The following PCDHGB7 variants were observed in gnomAD, a reference collection of about 807,000 sequenced individuals.
PCDHGB7 encodes protocadherin gamma subfamily B, 7, also known as protocadherin gamma-B7.
A neutral mutation model predicts 61.4 loss-of-function variants in PCDHGB7; 37 were observed. The ratio of observed to expected loss-of-function variants is 0.60; its 90% CI spans 0.46 to 0.79. The LOEUF (loss-of-function observed/expected upper bound fraction) is 0.79, where lower values mean the gene tolerates loss of function less well. Among genes scored for constraint, PCDHGB7 ranks in the 30% least tolerant of loss-of-function variants. The pLI is 0.00. For synonymous variants in PCDHGB7, 464 were observed against 503.5 expected (o/e 0.92, Z 1.05); for missense variants, 1,166 against 1,202.5 (o/e 0.97, Z 0.45).
At chr5:141,423,440 C>G in intron 1 of PCDHGB7, 1 of 1,613,970 alleles carries the variant, frequency 6.2e-7, no homozygotes, top group South Asian at 1.1e-5. Context: ...GGTATGCCCA[C>G]GTCACATTTT....
At chr5:141,427,132 G>T (rs755992698) in intron 1 of PCDHGB7, 1 of 457,106 alleles carries the variant, frequency 2.2e-6, no homozygotes, top group Non-Finnish European at 4.4e-6. Context: ...AAATCCCTAC[G>T]AGATGATATT....
At chr5:141,422,126 GAGA>G (rs767100115) in intron 1 of PCDHGB7, 2 of 1,601,210 alleles carry the variant, frequency 1.2e-6, no homozygotes, top group South Asian at 2.3e-5. Context: ...TCACAAACTG[GAGA>G]AGTTCAAGTA....
chr5:141,436,519 C>A (rs770168763), intron 1 of PCDHGB7, among the ~76,000 whole-genome samples: 2 of 152,140 alleles, frequency 1.3e-5, no homozygotes, highest in African/African-American at 2.4e-5. Context: ...TTAACTGTGT[C>A]ACCTTTAGCA....
intron 1 of PCDHGB7, among the ~76,000 whole-genome samples, chr5:141,438,606 A>G: frequency 3.6e-5 from 1 of 27,780 alleles, no homozygotes; most frequent in African/African-American, 2.7e-4. Flanking sequence ...ATATATATAT[A>G]TATATATATA....
rs539905795 is a variant in PCDHGB7, at chr5:141,419,910, C to A, written c.2051C>A (p.Ser684Tyr). 1.9e-6 allele frequency: 3 copies of A among 1,613,968 alleles called. No homozygotes were observed. Among genetic ancestry groups the A allele is most frequent in the Non-Finnish European group, 2.5e-6 (3 of 1,179,912 alleles). ...DFSDHPTPSD[S>Y]QAEMQFYLVV... Reference sequence around the variant, plus strand: ...AGCGACCATCCCACACCCTCTGACTCCCAGGCTGAGATGCAGTTTTACCTG... The same window carrying A: ...AGCGACCATCCCACACCCTCTGACTACCAGGCTGAGATGCAGTTTTACCTG... Residue 684 changes from serine (S) to tyrosine (Y), a missense_variant, in exon 1 of 4, where the codon TCC (serine) becomes TAC (tyrosine). Ser to Tyr is a moderately radical substitution (Grantham distance 144). Coordinates refer to ENST00000398594, the MANE Select transcript of PCDHGB7 (RefSeq NM_018927.4).
intron 1 of PCDHGB7, among the ~76,000 whole-genome samples, chr5:141,474,404 G>A (rs1014003488): frequency 4.6e-5 from 7 of 152,156 alleles, no homozygotes; most frequent in East Asian, 1.9e-4. Context: ...CAAGCTCCCC[G>A]GTGATGCCTA....
chr5:141,475,653 G>T (rs982063429), intron 1 of PCDHGB7, among the ~76,000 whole-genome samples: 2 of 152,238 alleles, frequency 1.3e-5, no homozygotes, highest in African/African-American at 2.4e-5. Context: ...CAAAGAAAGT[G>T]ATTCAAATGT....
At chr5:141,424,078 T>C in intron 1 of PCDHGB7, 1 of 975,828 alleles carries the variant, frequency 1.0e-6, no homozygotes, top group South Asian at 4.8e-5. Context: ...GTAGTTATAT[T>C]CCACCATTAT....
intron 1 of PCDHGB7, chr5:141,426,648 A>G (rs1224402025): frequency 2.4e-6 from 1 of 418,088 alleles, no homozygotes; most frequent in Non-Finnish European, 4.9e-6. Flanking sequence ...AAATGTGATG[A>G]TAGAAGATAT....
intron 1 of PCDHGB7, among the ~76,000 whole-genome samples, chr5:141,473,706 G>C (rs1241009670): frequency 6.6e-6 from 1 of 152,186 alleles, no homozygotes; most frequent in African/African-American, 2.4e-5. Context: ...CCTCCAAGTG[G>C]TGCAATGGAA....
rs372168887 is a variant in PCDHGB7, at chr5:141,477,322, C to T, written c.2416-17485C>T. On this transcript the variant is annotated intron_variant, in intron 1 of 3. Transcript: ENST00000398594. The surrounding 1 kb of genome is among the most constrained non-coding windows in gnomAD (Gnocchi z 4.9). The stretch of plus-strand genomic sequence containing the variant: ...GTCTCCCTTTCAGCCTTACTTCTTC[C>T]CTCAAGAATTACTTCACTTTGAAAA... 17 of 1,614,050 alleles carry T rather than the reference C, an allele frequency of 1.1e-5. No homozygotes were observed. In the African/African-American group the frequency reaches 1.5e-4, roughly 14 times the overall value.
chr5:141,510,582 A>G (rs1156375287), intron 3 of PCDHGB7, among the ~76,000 whole-genome samples: 2 of 152,166 alleles, frequency 1.3e-5, no homozygotes, highest in Non-Finnish European at 2.9e-5. Context: ...TATTTTACGT[A>G]CCTGACATAC....
intron 1 of PCDHGB7, among the ~76,000 whole-genome samples, chr5:141,430,159 A>G (rs1324343997): frequency 6.6e-6 from 1 of 152,176 alleles, no homozygotes; most frequent in Non-Finnish European, 1.5e-5. Context: ...CAAGGAATCT[A>G]TTTAAAAATA....
intron 1 of PCDHGB7, among the ~76,000 whole-genome samples, chr5:141,479,107 G>A (rs1212999480): frequency 6.6e-6 from 1 of 152,090 alleles, no homozygotes; most frequent in Non-Finnish European, 1.5e-5. Flanking sequence ...TTTATTTCAA[G>A]CATTCTACTG....
intron 1 of PCDHGB7, chr5:141,421,492 G>C: frequency 1.7e-5 from 28 of 1,614,106 alleles, no homozygotes; most frequent in Non-Finnish European, 2.3e-5. Flanking sequence ...GATCACGGCA[G>C]GCAGGATAGA....
At chr5:141,461,354 C>T (rs1189322704) in intron 1 of PCDHGB7, among the ~76,000 whole-genome samples, 2 of 152,054 alleles carry the variant, frequency 1.3e-5, no homozygotes, top group Non-Finnish European at 2.9e-5. Context: ...GGTGGTAGCT[C>T]GTTGTGGTTT....
intron 3 of PCDHGB7, among the ~76,000 whole-genome samples, chr5:141,508,742 C>A (rs955179947): frequency 2.0e-5 from 3 of 151,998 alleles, no homozygotes; most frequent in Admixed American, 6.6e-5. Context: ...CCCCCCACCC[C>A]GCTCTTTCTC....
chr5:141,418,357 G>T lies in PCDHGB7; in HGVS notation c.498G>T (p.Ser166=), dbSNP rs375883635. Residue 166 remains serine, a synonymous_variant, in exon 1 of 4, where the codon TCG becomes TCT. Coordinates refer to ENST00000398594, the MANE Select transcript of PCDHGB7 (RefSeq NM_018927.4). The part of the protein sequence containing the change: ...SAEDPDISMN[S]LSKYQLSPNE... ...AAGATCCTGATATTAGTATGAATTC[G>T]CTGAGCAAATACCAACTAAGTCCTA... 1.2e-6 allele frequency: 2 copies of T among 1,613,864 alleles called. No individual in the cohort carries two copies. Among genetic ancestry groups the T allele is most frequent in the African/African-American group, 2.7e-5 (2 of 74,940 alleles).
At chr5:141,421,748 G>A (rs763166274) in intron 1 of PCDHGB7, 4 of 1,613,944 alleles carry the variant, frequency 2.5e-6, no homozygotes, top group South Asian at 2.2e-5. Context: ...TACCAGCTCA[G>A]CCCTAATAAT....
Sources: gnomAD v4.1 joint callset for allele counts (sites outside exome capture counted in the v4.1 genomes callset) on GRCh38, gnomAD v4.1.1 for gene constraint, Gnocchi (gnomAD v3.1) non-coding constraint, MANE v1.5 for transcripts, NCBI Gene and HGNC (gene_info 2026-07-23, HGNC 2026-07-21) for gene names.